Variants in VPS13B observed in about 807,000 individuals in gnomAD.
VPS13B encodes intermembrane lipid transfer protein VPS13B.
In VPS13B, 285 loss-of-function variants were observed where a neutral mutation model predicts 426.4. The observed-to-expected ratio is 0.67, with a 90% CI of 0.61 to 0.74. The LOEUF (loss-of-function observed/expected upper bound fraction) is 0.74, where lower values mean the gene tolerates loss of function less well. Ranked by LOEUF, VPS13B falls within the 30% of genes least tolerant of loss-of-function variation. The pLI is 0.00. For synonymous variants in VPS13B, 1,676 were observed against 1,676.4 expected, an observed-to-expected ratio of 1.00 and a Z score of 0.01; for missense variants, 4,537 against 4,782.6, an observed-to-expected ratio of 0.95 and a Z score of 1.51.
At chr8:99,358,611 G>A (rs1812320050) in intron 19 of VPS13B, among the ~76,000 whole-genome samples, 1 of 152,094 alleles carries the variant, frequency 6.6e-6, no homozygotes, top group Admixed American at 6.5e-5. Context: ...AATTGTTAAT[G>A]TTTTGCTTTT....
At position 99,778,800 on chromosome 8, in the gene VPS13B, T is replaced by C; in HGVS notation, c.7548T>C (p.Ser2516=). 1 of 1,614,052 alleles carries C rather than the reference T, an allele frequency of 6.2e-7. No homozygotes were observed. Residue 2516 remains serine, a synonymous_variant, in exon 42 of 62, where the codon TCT becomes TCC. Transcript: ENST00000357162. ...HMYLRQWNNG[S]VCQEIQFLAQ... is the part of the protein sequence containing the mutation. ...ATCTTCGACAGTGGAATAATGGTTC[T>C]GTCTGTCAGGAGATCCAGTTCTTAG...
intron 43 of VPS13B, chr8:99,804,075 T>C (rs1053909017): frequency 1.3e-5 from 2 of 152,212 alleles, no homozygotes; most frequent in Admixed American, 6.5e-5. Flanking sequence ...GTAAATATCT[T>C]GATTTAATAC....
chr8:99,390,100 A>ATTT (rs796834281), intron 20 of VPS13B, among the ~76,000 whole-genome samples: 1 of 144,110 alleles, frequency 6.9e-6, no homozygotes. Flanking sequence ...CTCATTTTAA[A>ATTT]TTTTTTTTTT....
At chr8:99,591,164 CTTTTTT>C (rs376201526) in intron 33 of VPS13B, among the ~76,000 whole-genome samples, 2 of 96,536 alleles carry the variant, frequency 2.1e-5, no homozygotes, top group South Asian at 3.5e-4. Flanking sequence ...GCAACCGCTC[CTTTTTT>C]TTTTTTTTTT....
intron 33 of VPS13B, among the ~76,000 whole-genome samples, chr8:99,592,598 A>G (rs1046856036): frequency 6.6e-6 from 1 of 152,168 alleles, no homozygotes; most frequent in African/African-American, 2.4e-5. Flanking sequence ...CAGAGCCTGA[A>G]TAGCCAAGAT....
At chr8:99,661,163 A>C (rs1328395557) in intron 34 of VPS13B, among the ~76,000 whole-genome samples, 191 bp from the exon 35 acceptor site, 1 of 152,138 alleles carries the variant, frequency 6.6e-6, no homozygotes, top group Middle Eastern at 3.4e-3. Context: ...GTCATCCCAC[A>C]TTGTACAGTG....
intron 19 of VPS13B, among the ~76,000 whole-genome samples, chr8:99,321,771 A>T (rs1169925849): frequency 1.3e-5 from 2 of 152,210 alleles, no homozygotes; most frequent in South Asian, 2.1e-4. Context: ...CTTATGAATC[A>T]TTTAATTCCT....
intron 43 of VPS13B, among the ~76,000 whole-genome samples, chr8:99,795,756 G>A (rs889996862): frequency 2.0e-5 from 3 of 152,164 alleles, no homozygotes; most frequent in African/African-American, 7.2e-5. Context: ...TTGGTAGGAG[G>A]CCTCAGCACT....
At chr8:99,562,297 T>G (rs1188426245) in intron 31 of VPS13B, among the ~76,000 whole-genome samples, 1 of 151,838 alleles carries the variant, frequency 6.6e-6, no homozygotes, top group East Asian at 1.9e-4. Flanking sequence ...CCACGCTTTT[T>G]TGAGACAGAG....
Position 99,140,422 on chromosome 8 carries a change from A to G in VPS13B, c.1652-2552A>G, listed in dbSNP as rs1208478996. On this transcript the variant is annotated intron_variant, in intron 12 of 61. Coordinates refer to ENST00000357162, the MANE Select transcript of VPS13B (RefSeq NM_152564.5). Reference sequence around the variant, plus strand: ...AAATACAGTAATAAAGGAAGCTTCTATTATTTATTTTTCTTGTAATAAATG... The same window carrying G: ...AAATACAGTAATAAAGGAAGCTTCTGTTATTTATTTTTCTTGTAATAAATG... Among the ~76,000 whole-genome samples, 3 of 151,382 alleles carry G rather than the reference A, an allele frequency of 2.0e-5. No homozygotes were observed. The East Asian group carries it at 5.8e-4, about 29-fold the overall frequency.
chr8:99,290,348 C>T (rs148013097), intron 19 of VPS13B, among the ~76,000 whole-genome samples: 7 of 152,146 alleles, frequency 4.6e-5, no homozygotes, highest in Non-Finnish European at 1.0e-4. Context: ...AATTCATGTC[C>T]TTTGTGGGGA....
chr8:99,703,306 A>C (rs1427458470), intron 36 of VPS13B, among the ~76,000 whole-genome samples: 1 of 152,100 alleles, frequency 6.6e-6, no homozygotes, highest in African/African-American at 2.4e-5. Context: ...TGGGAGTTTC[A>C]TAGGATTTGA....
intron 34 of VPS13B, 142 bp from the exon 35 acceptor site, chr8:99,661,212 A>T: frequency 2.0e-6 from 2 of 984,370 alleles, no homozygotes; most frequent in South Asian, 1.4e-5. Flanking sequence ...TGTTTACTGT[A>T]TGTGCACAAA....
chr8:99,572,855 C>T (rs540213765), intron 31 of VPS13B, among the ~76,000 whole-genome samples: 60 of 152,260 alleles, frequency 3.9e-4, no homozygotes, highest in African/African-American at 1.3e-3. Context: ...ATTTCTAGTT[C>T]TAGATCCTTG....
intron 2 of VPS13B, among the ~76,000 whole-genome samples, chr8:99,030,296 T>C (rs1842451623): frequency 6.6e-6 from 1 of 151,766 alleles, no homozygotes; most frequent in Non-Finnish European, 1.5e-5. Flanking sequence ...ATAATGTTGC[T>C]GAGACAAAAA....
At chr8:99,708,619 G>A (rs1832583069) in intron 36 of VPS13B, among the ~76,000 whole-genome samples, 2 of 152,088 alleles carry the variant, frequency 1.3e-5, no homozygotes, top group South Asian at 2.1e-4. Context: ...AGGTGCTTTG[G>A]GAAGGGAAAC....
intron 44 of VPS13B, among the ~76,000 whole-genome samples, chr8:99,811,528 A>G (rs1813697999): frequency 6.6e-6 from 1 of 152,170 alleles, no homozygotes; most frequent in Non-Finnish European, 1.5e-5. Flanking sequence ...ACAAGTTCCC[A>G]GGTGCTGCTG....
In VPS13B at chr8:99,784,346, T is replaced by C; in HGVS notation, c.7811T>C (p.Phe2604Ser). Residue 2604 changes from phenylalanine (F) to serine (S), a missense_variant, in exon 43 of 62, where the codon TTC becomes TCC. Phe to Ser is a radical substitution (Grantham distance 155). Transcript: ENST00000357162. ...TGCCCTGAGGTAGAGGAGTTGGTCTTCAGCCATTTTGTGATCTGTAATGAC... is the reference window on the plus strand; with the variant it reads ...TGCCCTGAGGTAGAGGAGTTGGTCTCCAGCCATTTTGTGATCTGTAATGAC... ...NKCPEVEELVFSHFVICNDTQ... is the reference protein window; with the variant it reads ...NKCPEVEELVSSHFVICNDTQ... 6.2e-7 allele frequency: 1 copy of C among 1,613,752 alleles called. No homozygotes were observed. The highest frequency in any genetic ancestry group is 8.5e-7 in the Non-Finnish European group (1 of 1,179,690).
Position 99,642,405 on chromosome 8 carries a change from T to G in VPS13B, c.5815T>G (p.Leu1939Val), listed in dbSNP as rs751559027. 2.5e-6 allele frequency: 4 copies of G among 1,614,114 alleles called. No homozygotes were observed. In the African/African-American group the frequency reaches 4.0e-5, roughly 16 times the overall value. ...GTACTTTATTGTGTCCCAGCCTTCC[T>G]TGCTTCTGAGTTGTCACCACAGAAA... ...FLYFIVSQPS[L>V]LLSCHHRKQR... The change falls in exon 34 of 62, where the codon TTG (leucine) becomes GTG (valine). Residue 1939 changes from leucine (L) to valine (V), a missense_variant. By Grantham distance (32) the Leu-to-Val change is conservative. Coordinates refer to ENST00000357162, the MANE Select transcript of VPS13B (RefSeq NM_152564.5).
Sources: gnomAD v4.1 joint callset for allele counts (sites outside exome capture counted in the v4.1 genomes callset) on GRCh38, gnomAD v4.1.1 for gene constraint, MANE v1.5 for transcripts, NCBI Gene and HGNC (gene_info 2026-07-23, HGNC 2026-07-21) for gene names.